The following SLC44A5 variants were observed in gnomAD, a reference collection of about 807,000 sequenced individuals.
The protein encoded by SLC44A5 is choline transporter-like protein 5.
A neutral mutation model predicts 101.8 loss-of-function variants in SLC44A5; 57 were observed. The observed-to-expected ratio is 0.56, with a 90% CI of 0.45 to 0.70. The LOEUF (loss-of-function observed/expected upper bound fraction) is 0.70, where lower values mean the gene tolerates loss of function less well. SLC44A5 is among the 30% of genes least tolerant of loss of function. SLC44A5 has a pLI of 0.00. For missense variants in SLC44A5, 737 were observed against 853.1 expected, an observed-to-expected ratio of 0.86 and a Z score of 1.70; for synonymous variants, 281 against 290.9, an observed-to-expected ratio of 0.97 and a Z score of 0.35.
chr1:75,365,624 C>G (rs1258991475), intron 3 of SLC44A5, among the ~76,000 whole-genome samples: 3 of 152,080 alleles, frequency 2.0e-5, no homozygotes, highest in Non-Finnish European at 4.4e-5. Flanking sequence ...ATAACAAAGA[C>G]ATGGAATCAA....
At chr1:75,505,263 T>A (rs1475932937) in intron 2 of SLC44A5, among the ~76,000 whole-genome samples, 1 of 152,192 alleles carries the variant, frequency 6.6e-6, no homozygotes, top group African/African-American at 2.4e-5. Flanking sequence ...AATCCACTGA[T>A]AATGGGCACC....
intron 3 of SLC44A5, among the ~76,000 whole-genome samples, chr1:75,376,550 G>T (rs567670048): frequency 1.3e-5 from 2 of 152,286 alleles, no homozygotes; most frequent in East Asian, 3.9e-4. Flanking sequence ...TAACTGGGAG[G>T]CACCCCCCAG....
intron 5 of SLC44A5, among the ~76,000 whole-genome samples, chr1:75,281,582 C>T (rs1652558854): frequency 6.9e-6 from 1 of 145,422 alleles, no homozygotes; most frequent in African/African-American, 2.5e-5. Flanking sequence ...GGCAGCCCCT[C>T]TGATCACAGG....
At chr1:75,541,625 C>A in intron 1 of SLC44A5, 109 bp from the exon 2 acceptor site, 1 of 599,922 alleles carries the variant, frequency 1.7e-6, no homozygotes, top group Non-Finnish European at 2.8e-6. Flanking sequence ...TTACTCTCCC[C>A]AAAAACTCAG....
chr1:75,370,743 G>T (rs1660169183), intron 3 of SLC44A5, among the ~76,000 whole-genome samples: 2 of 152,222 alleles, frequency 1.3e-5, no homozygotes, highest in African/African-American at 2.4e-5. Flanking sequence ...CGGGATCAGA[G>T]TGGGTATATG....
At chr1:75,632,623 A>C in the SLC44A5 span, among the ~76,000 whole-genome samples, 1 of 152,110 alleles carries the variant, frequency 6.6e-6, no homozygotes, top group Non-Finnish European at 1.5e-5. Context: ...CATGCTCCTG[A>C]AATTGTTTTT....
At chr1:75,466,334 G>T (rs558992072) in intron 2 of SLC44A5, among the ~76,000 whole-genome samples, 96 of 152,200 alleles carry the variant, frequency 6.3e-4, no homozygotes, top group African/African-American at 2.2e-3. Context: ...CATCCTTCAT[G>T]ATAAAAATCC....
chr1:75,706,032 C>T, the SLC44A5 span, among the ~76,000 whole-genome samples: 48 of 152,226 alleles, frequency 3.2e-4, no homozygotes, highest in African/African-American at 1.1e-3. Flanking sequence ...ACATTAATAG[C>T]GGGATCTTTT....
chr1:75,578,078 TA>T (rs1196724507), intron 1 of SLC44A5, among the ~76,000 whole-genome samples: 1 of 152,142 alleles, frequency 6.6e-6, no homozygotes, highest in African/African-American at 2.4e-5. Flanking sequence ...GATGATCTGC[TA>T]AAAACTAGTT....
At chr1:75,443,097 TA>T (rs955835160) in intron 2 of SLC44A5, among the ~76,000 whole-genome samples, 2 of 152,232 alleles carry the variant, frequency 1.3e-5, no homozygotes, top group South Asian at 2.1e-4. Flanking sequence ...AAGTTAATCA[TA>T]AAAAATTACC....
intron 2 of SLC44A5, among the ~76,000 whole-genome samples, chr1:75,514,236 G>A (rs1236396190): frequency 1.3e-5 from 2 of 152,124 alleles, no homozygotes; most frequent in East Asian, 1.9e-4. Flanking sequence ...CAAAAATTAT[G>A]AGCTAAGACT....
intron 2 of SLC44A5, among the ~76,000 whole-genome samples, chr1:75,438,218 A>G (rs758771468): frequency 6.1e-4 from 93 of 152,126 alleles, no homozygotes; most frequent in Non-Finnish European, 8.1e-4. Context: ...TGGATTCAGC[A>G]ATCTGGAAGT....
At chr1:75,561,371 G>A (rs1206235905) in intron 1 of SLC44A5, among the ~76,000 whole-genome samples, 1 of 151,920 alleles carries the variant, frequency 6.6e-6, no homozygotes, top group Admixed American at 6.6e-5. Context: ...TTTTTTCATA[G>A]TATTTAATAC....
chr1:75,515,188 A>G (rs1466891953), intron 2 of SLC44A5, among the ~76,000 whole-genome samples: 1 of 152,200 alleles, frequency 6.6e-6, no homozygotes, highest in Non-Finnish European at 1.5e-5. Context: ...TTTATGGGGT[A>G]CAAATGATGT....
chr1:75,723,896 G>A, the SLC44A5 span: 4 of 152,126 alleles, frequency 2.6e-5, no homozygotes, highest in African/African-American at 9.7e-5. Context: ...GACCTTTATT[G>A]GGCAAAAGAA....
chr1:75,472,250 C>T, intron 2 of SLC44A5, among the ~76,000 whole-genome samples: 1 of 151,982 alleles, frequency 6.6e-6, no homozygotes, highest in East Asian at 1.9e-4. Context: ...GTGTGCCGAG[C>T]ACCTGTCAGT....
chr1:75,368,256 G>T (rs1212389696), intron 3 of SLC44A5, among the ~76,000 whole-genome samples: 1 of 152,200 alleles, frequency 6.6e-6, no homozygotes, highest in East Asian at 1.9e-4. Context: ...ACAGAATTGA[G>T]TAATTACAGT....
chr1:75,504,645 A>G (rs564447652), intron 2 of SLC44A5, among the ~76,000 whole-genome samples: 3 of 152,082 alleles, frequency 2.0e-5, no homozygotes, highest in Non-Finnish European at 4.4e-5. Flanking sequence ...TATATAAAGG[A>G]CCAAGTAAAG....
intron 2 of SLC44A5, among the ~76,000 whole-genome samples, chr1:75,502,122 C>A (rs191121644): frequency 7.2e-5 from 11 of 152,256 alleles, no homozygotes; most frequent in Admixed American, 4.6e-4. Context: ...TTAACAAAAG[C>A]AACAGAAGAA....
Sources: allele counts gnomAD v4.1 joint callset (sites outside exome capture counted in the v4.1 genomes callset), GRCh38; gene constraint gnomAD v4.1.1; transcripts MANE v1.5; gene names NCBI Gene and HGNC (gene_info 2026-07-23, HGNC 2026-07-21).